Variants in CCDC112 observed in about 807,000 individuals in gnomAD.
CCDC112 encodes coiled-coil domain containing 112, also known as coiled-coil domain-containing protein 112.
A neutral mutation model predicts 66.3 loss-of-function variants in CCDC112; 40 were observed. The observed-to-expected ratio is 0.60, with a 90% CI of 0.47 to 0.79. CCDC112 has a LOEUF of 0.79. Among genes scored for constraint, CCDC112 ranks in the 30% least tolerant of loss-of-function variants. The pLI, the probability that CCDC112 is intolerant of heterozygous loss-of-function variation, is 0.00. For missense variants in CCDC112, 659 were observed against 603.8 expected (o/e 1.09, Z -0.96); for synonymous variants, 214 against 197.2 (o/e 1.09, Z -0.71).
chr5:115,277,767 A>C lies in CCDC112; in HGVS notation c.362-713T>G, dbSNP rs930209470. Among the ~76,000 whole-genome samples the C allele has an allele frequency of 2.6e-5, 4 of 152,148 alleles. No individual in the cohort carries two copies. The South Asian group carries it at 6.2e-4, about 24-fold the overall frequency. On this transcript the variant is annotated intron_variant, in intron 3 of 9. Transcript: ENST00000379611. Reference sequence around the variant, plus strand: ...GATTCTTCTTTCATATTTTTTTCTGAAGGAATAATCTTACTTTAATATTTA... The same window carrying C: ...GATTCTTCTTTCATATTTTTTTCTGCAGGAATAATCTTACTTTAATATTTA...
rs770634478 is a variant in CCDC112, at chr5:115,271,255, T to TTTTTCTGCC, written c.1281_1289dup (p.Ala428_Lys430dup). The TTTTTCTGCC allele has an allele frequency of 3.2e-6, 5 of 1,583,408 alleles. No individual in the cohort carries two copies. Among genetic ancestry groups the TTTTTCTGCC allele is most frequent in the Non-Finnish European group, 4.3e-6 (5 of 1,172,692 alleles). Reference sequence around the variant, plus strand: ...AAATTTCATCAGCAGCATTTTTCCTTTTTTCTGCCTTTTCTGCCTTTTCCC... The same window carrying TTTTTCTGCC: ...AAATTTCATCAGCAGCATTTTTCCTTTTTTCTGCCTTTTCTGCCTTTTCTGCCTTTTCCC... On this transcript the variant is annotated inframe_insertion, in exon 7 of 10. Coordinates refer to ENST00000379611, the MANE Select transcript of CCDC112 (RefSeq NM_001040440.3).
At chr5:115,289,047 T>G (rs985077878) in intron 1 of CCDC112, 3 of 285,490 alleles carry the variant, frequency 1.1e-5, no homozygotes, top group African/African-American at 6.9e-5. Flanking sequence ...TTGGCTTCTT[T>G]CCCTCAGCCT....
Position 115,267,934 on chromosome 5 carries a change from GA to G in CCDC112, c.1548-17del. 2 of 1,600,560 alleles carry G rather than the reference GA, an allele frequency of 1.2e-6. No homozygotes were observed. Among genetic ancestry groups the G allele is most frequent in the Non-Finnish European group, 1.7e-6 (2 of 1,169,004 alleles). ...TGGAATAGCCCTAAGGAGAAAAAGA[GA>G]AAAGCAATTGTAAATATGTAGGAAA... is the stretch of plus-strand genomic sequence containing the variant. On this transcript the variant is annotated splice_polypyrimidine_tract_variant and intron_variant, in intron 9 of 9. Coordinates refer to ENST00000379611, the MANE Select transcript of CCDC112 (RefSeq NM_001040440.3).
chr5:115,273,905 G>A (rs1433860781), intron 6 of CCDC112, among the ~76,000 whole-genome samples: 1 of 152,144 alleles, frequency 6.6e-6, no homozygotes, highest in Non-Finnish European at 1.5e-5. Flanking sequence ...TAAAACCCGA[G>A]AAGTCAATTT....
chr5:115,289,793 C>T (rs2127074247), intron 1 of CCDC112, among the ~76,000 whole-genome samples: 2 of 152,294 alleles, frequency 1.3e-5, no homozygotes, highest in Middle Eastern at 3.4e-3. Context: ...AAGTGATCCT[C>T]CTGCTTCAGC....
chr5:115,286,163 T>C (rs1257419797), intron 1 of CCDC112, among the ~76,000 whole-genome samples: 4 of 152,192 alleles, frequency 2.6e-5, no homozygotes, highest in Non-Finnish European at 4.4e-5. Context: ...ATTTTCATCA[T>C]ACCAAAAAGA....
chr5:115,285,413 G>A (rs1433938120), intron 1 of CCDC112, among the ~76,000 whole-genome samples: 3 of 152,148 alleles, frequency 2.0e-5, no homozygotes, highest in Non-Finnish European at 2.9e-5. Flanking sequence ...AGTTACAGTG[G>A]TCACAGAAGG....
chr5:115,283,900 C>T (rs1427333899), intron 2 of CCDC112, among the ~76,000 whole-genome samples: 2 of 152,030 alleles, frequency 1.3e-5, no homozygotes, highest in African/African-American at 2.4e-5. Context: ...AGTTCTAATT[C>T]TTTTTAACAT....
intron 9 of CCDC112, 75 bp from the exon 10 acceptor site, chr5:115,267,993 C>A: frequency 8.5e-7 from 1 of 1,173,734 alleles, no homozygotes; most frequent in Admixed American, 1.9e-5. Context: ...TGATTAAGTG[C>A]TAACTTTAAA....
At chr5:115,293,533 C>T (rs1293872117) in intron 1 of CCDC112, among the ~76,000 whole-genome samples, 2 of 152,092 alleles carry the variant, frequency 1.3e-5, no homozygotes, top group African/African-American at 4.8e-5. Flanking sequence ...AATCCACCCC[C>T]TTACCTTTTT....
At chr5:115,275,915 T>C (rs1385156897) in intron 5 of CCDC112, 79 bp downstream of exon 5, 1 of 931,474 alleles carries the variant, frequency 1.1e-6, no homozygotes, top group Non-Finnish European at 1.7e-6. Context: ...CAGAATGCAT[T>C]ATATACAAAA....
intron 1 of CCDC112, chr5:115,296,225 G>A: frequency 7.8e-7 from 1 of 1,278,368 alleles, no homozygotes; most frequent in Non-Finnish European, 9.9e-7. Context: ...GGTCTTCCTC[G>A]ACTCCGAAAC....
chr5:115,268,882 C>G lies in CCDC112; in HGVS notation c.1547G>C (p.Arg516Thr). 1 of 1,553,210 alleles carries G rather than the reference C, an allele frequency of 6.4e-7. No homozygotes were observed. The highest frequency in any genetic ancestry group is 8.8e-7 in the Non-Finnish European group (1 of 1,141,622). ...GSGPLLHIPHRAIPTWRQGIQ... is the reference protein window; with the variant it reads ...GSGPLLHIPHTAIPTWRQGIQ... ...AACACCAATTCTAACTCTTTCTTAC[C>G]TATGTGGGATATGTAGAAGTGGCCC... The change falls in exon 9 of 10, where the codon AGG becomes ACG. Residue 516 changes from arginine (R) to threonine (T), a missense_variant and splice_region_variant. Arg to Thr is a moderately conservative substitution (Grantham distance 71). Transcript: ENST00000379611.
At chr5:115,272,595 T>C (rs1251719079) in intron 6 of CCDC112, among the ~76,000 whole-genome samples, 1 of 152,294 alleles carries the variant, frequency 6.6e-6, no homozygotes, top group East Asian at 1.9e-4. Context: ...AACAGCTCAA[T>C]AGCTACAGAG....
intron 1 of CCDC112, among the ~76,000 whole-genome samples, chr5:115,294,138 G>A (rs531185036): frequency 5.3e-5 from 8 of 152,236 alleles, no homozygotes; most frequent in East Asian, 3.9e-4. Flanking sequence ...GAGATTCCAC[G>A]CCCTGAGGAT....
In CCDC112 at chr5:115,267,778, C is replaced by T. The variant is rs1222957069; in HGVS notation, c.*98G>A. On this transcript the variant is annotated 3_prime_UTR_variant, in exon 10 of 10. Coordinates refer to ENST00000379611, the MANE Select transcript of CCDC112 (RefSeq NM_001040440.3). ...CAATATAGCACAATAATCAATCTGA[C>T]TAAGCTATTGATATTTAAAGAATGT... 11 of 946,114 alleles carry T rather than the reference C, an allele frequency of 1.2e-5. No individual in the cohort carries two copies. The highest frequency in any genetic ancestry group is 1.9e-5 in the Non-Finnish European group (11 of 579,400). 58.6% of individuals were successfully genotyped at this position (946,114 alleles called of 1,614,324 possible).
At chr5:115,284,706 A>G in intron 2 of CCDC112, 81 bp downstream of exon 2, 2 of 1,086,480 alleles carry the variant, frequency 1.8e-6, no homozygotes, top group Non-Finnish European at 2.7e-6. Context: ...GAGCCTAGGT[A>G]GGGTAGAGTA....
At chr5:115,281,642 T>C (rs1749462297) in intron 2 of CCDC112, among the ~76,000 whole-genome samples, 1 of 152,192 alleles carries the variant, frequency 6.6e-6, no homozygotes, top group Non-Finnish European at 1.5e-5. Context: ...CAACTTTATA[T>C]CACTCAACAG....
In CCDC112 at chr5:115,268,983, A is replaced by G; in HGVS notation, c.1446T>C (p.Ser482=). ...GTTTGTAAAGCCTAGAGGGATCTCTACTAACATTGTTTTCAACCTGTAATC... is the reference window on the plus strand; with the variant it reads ...GTTTGTAAAGCCTAGAGGGATCTCTGCTAACATTGTTTTCAACCTGTAATC... The part of the protein sequence containing the change: ...KLKEKVENNV[S]RDPSRLYKPT... Residue 482 remains serine, a synonymous_variant, in exon 9 of 10, where the codon AGT becomes AGC. Transcript: ENST00000379611. 2 of 1,591,756 alleles carry G rather than the reference A, an allele frequency of 1.3e-6. No individual in the cohort carries two copies. The highest frequency in any genetic ancestry group is 1.4e-5 in the African/African-American group (1 of 73,606).
Sources: allele counts gnomAD v4.1 joint callset (sites outside exome capture counted in the v4.1 genomes callset), GRCh38; gene constraint gnomAD v4.1.1; transcripts MANE v1.5; gene names NCBI Gene and HGNC (gene_info 2026-07-23, HGNC 2026-07-21).